CNOT2: variants seen among roughly 807,000 people sequenced by gnomAD.
CNOT2 encodes CC chemokine receptor 4-negative regulator of transcription 2.
In CNOT2, 7 loss-of-function variants were observed where a neutral mutation model predicts 72.1. The ratio of observed to expected loss-of-function variants is 0.10; its 90% confidence interval spans 0.06 to 0.18. The LOEUF is 0.18. Ranked by LOEUF, CNOT2 falls within the 10% of genes least tolerant of loss-of-function variation. The pLI is 1.00. For missense variants in CNOT2, 345 were observed against 660.3 expected (o/e 0.52, Z 5.23); for synonymous variants, 196 against 225.6 (o/e 0.87, Z 1.17).
At chr12:70,295,689 C>G (rs17107947) in intron 2 of CNOT2, among the ~76,000 whole-genome samples, 21,936 of 152,014 alleles carry the variant, frequency 0.14, 1,919 homozygotes, top group Admixed American at 0.28. Context: ...TTCTCAACTC[C>G]AACTTCTTAC....
At chr12:70,266,103 T>TATC (rs1270197057) in intron 1 of CNOT2, among the ~76,000 whole-genome samples, 1 of 151,148 alleles carries the variant, frequency 6.6e-6, no homozygotes, top group Non-Finnish European at 1.5e-5. Context: ...GATGTTGTAT[T>TATC]ATTATTATTA....
chr12:70,300,639 G>C (rs1873759883), intron 2 of CNOT2, among the ~76,000 whole-genome samples: 1 of 152,198 alleles, frequency 6.6e-6, no homozygotes, highest in African/African-American at 2.4e-5. Flanking sequence ...AGTATAGTTT[G>C]AAGTCAGGTA....
intron 2 of CNOT2, among the ~76,000 whole-genome samples, chr12:70,286,655 A>T (rs1870946372): frequency 6.7e-6 from 1 of 149,880 alleles, no homozygotes; most frequent in Non-Finnish European, 1.5e-5. Context: ...CTTTGTGTTA[A>T]ATCTTCATGT....
intron 1 of CNOT2, among the ~76,000 whole-genome samples, chr12:70,270,662 C>T (rs182479137): frequency 1.3e-5 from 2 of 152,176 alleles, no homozygotes; most frequent in East Asian, 3.9e-4. Context: ...ACTTAACTGA[C>T]CCACTCTTTT....
At chr12:70,336,290 T>A (rs982752421) in intron 8 of CNOT2, 1 of 152,110 alleles carries the variant, frequency 6.6e-6, no homozygotes, top group Non-Finnish European at 1.5e-5. Context: ...TCACTGTCTC[T>A]AATAGATAAG....
rs769136149 is a variant in CNOT2 at position 70,335,483 on chromosome 12, C to G, written c.695C>G (p.Ala232Gly). 6.2e-7 allele frequency: 1 copy of G among 1,605,948 alleles called. No individual in the cohort carries two copies. Residue 232 changes from alanine to glycine, a missense_variant, in exon 8 of 16, where the codon GCA becomes GGA. Coordinates refer to ENST00000229195, the MANE Select transcript of CNOT2 (RefSeq NM_014515.7). ...VTGLDLSDFP[A>G]LADRNRREGS... is the part of the protein sequence containing the mutation. ...GGATTGGACCTTTCAGATTTCCCAGCATTAGCAGACCGAAACAGGAGGGAA... is the reference window on the plus strand; with the variant it reads ...GGATTGGACCTTTCAGATTTCCCAGGATTAGCAGACCGAAACAGGAGGGAA...
At chr12:70,286,281 T>C (rs1293228779) in intron 2 of CNOT2, among the ~76,000 whole-genome samples, 1 of 149,462 alleles carries the variant, frequency 6.7e-6, no homozygotes, top group East Asian at 2.0e-4. Context: ...GTAGTCCTCA[T>C]ATTCATCTGA....
intron 12 of CNOT2, 23 bp from the exon 13 acceptor site, chr12:70,342,235 G>T: frequency 1.2e-6 from 2 of 1,613,208 alleles, no homozygotes; most frequent in Non-Finnish European, 1.7e-6. Flanking sequence ...AGTTAATAAG[G>T]CTTTTTTCAT....
chr12:70,246,549 A>T (rs1957882032), intron 1 of CNOT2, among the ~76,000 whole-genome samples: 1 of 152,184 alleles, frequency 6.6e-6, no homozygotes, highest in Admixed American at 6.5e-5. Context: ...ATTCTGCTTG[A>T]TGATACAGGT....
intron 3 of CNOT2, among the ~76,000 whole-genome samples, chr12:70,311,886 T>C (rs1363928058): frequency 1.3e-5 from 2 of 151,980 alleles, no homozygotes; most frequent in African/African-American, 4.8e-5. Context: ...TTCTAAGATA[T>C]GGAACAAATG....
chr12:70,247,569 C>T (rs1373352820), intron 1 of CNOT2, among the ~76,000 whole-genome samples: 1 of 152,150 alleles, frequency 6.6e-6, no homozygotes, highest in East Asian at 1.9e-4. Context: ...CTTCCATACT[C>T]CTCTTTGGTA....
chr12:70,279,431 T>C (rs1232538947), intron 2 of CNOT2, among the ~76,000 whole-genome samples: 1 of 152,224 alleles, frequency 6.6e-6, no homozygotes, highest in African/African-American at 2.4e-5. Flanking sequence ...ATCTTTATGA[T>C]TTTAATAAGC....
At chr12:70,258,828 A>C (rs1250671002) in intron 1 of CNOT2, among the ~76,000 whole-genome samples, 1 of 152,238 alleles carries the variant, frequency 6.6e-6, no homozygotes, top group Non-Finnish European at 1.5e-5. Context: ...AAGGGCTTTC[A>C]GGAAGGGACA....
chr12:70,341,846 A>C (rs1881548947), intron 11 of CNOT2: 2 of 381,970 alleles, frequency 5.2e-6, no homozygotes, highest in Non-Finnish European at 9.3e-6. Context: ...AAAATTTTTA[A>C]TCATGTTTTG....
rs559712937 is a variant in CNOT2 at position 70,353,937 on chromosome 12, A to T, written c.*22A>T. On this transcript the variant is annotated 3_prime_UTR_variant, in exon 16 of 16. Transcript: ENST00000229195. ...CTAAAAAAAAAAAAAAAAAAAAAAAAAGACTTCCCTTTTCTTGGGGTATGG... is the reference window on the plus strand; with the variant it reads ...CTAAAAAAAAAAAAAAAAAAAAAAATAGACTTCCCTTTTCTTGGGGTATGG... The T allele has an allele frequency of 8.3e-6, 13 of 1,573,454 alleles. No homozygotes were observed. The East Asian group carries it at 2.9e-4, about 36-fold the overall frequency.
intron 8 of CNOT2, chr12:70,335,891 T>C (rs1452023689): frequency 5.7e-6 from 1 of 174,810 alleles, no homozygotes; most frequent in East Asian, 1.6e-4. Context: ...CTCTCCTTAA[T>C]TGATCACACA....
chr12:70,243,876 C>T (rs533255769), intron 1 of CNOT2: 3 of 152,244 alleles, frequency 2.0e-5, no homozygotes, highest in East Asian at 3.9e-4. Flanking sequence ...CCGCTGCCGC[C>T]GCGCTGCTTC....
intron 2 of CNOT2, among the ~76,000 whole-genome samples, chr12:70,279,794 T>C (rs1869493108): frequency 1.3e-5 from 2 of 152,214 alleles, no homozygotes; most frequent in South Asian, 4.1e-4. Context: ...AATTCCAAAA[T>C]TTATACTTAA....
chr12:70,293,740 A>G (rs1209496166), intron 2 of CNOT2, among the ~76,000 whole-genome samples: 1 of 151,972 alleles, frequency 6.6e-6, no homozygotes, highest in Non-Finnish European at 1.5e-5. Flanking sequence ...TGATGGTGTT[A>G]ATGTGTATGA....
Sources: allele counts gnomAD v4.1 joint callset (sites outside exome capture counted in the v4.1 genomes callset), GRCh38; gene constraint gnomAD v4.1.1; transcripts MANE v1.5; gene names NCBI Gene and HGNC (gene_info 2026-07-23, HGNC 2026-07-21).